Variants in INPP4B observed in about 807,000 individuals in gnomAD.
The protein encoded by INPP4B is inositol polyphosphate 4-phosphatase type II.
In INPP4B, 55 loss-of-function variants were observed where a neutral mutation model predicts 122.5. That is an observed-to-expected ratio of 0.45 (90% confidence interval 0.36 to 0.56). The LOEUF (loss-of-function observed/expected upper bound fraction) is 0.56, where lower values mean the gene tolerates loss of function less well. Among genes scored for constraint, INPP4B ranks in the 20% least tolerant of loss-of-function variants. The pLI is 0.00. For missense variants in INPP4B, 1,000 were observed against 1,097.7 expected (o/e 0.91, Z 1.26); for synonymous variants, 403 against 388.7 (o/e 1.04, Z -0.43).
intron 11 of INPP4B, among the ~76,000 whole-genome samples, chr4:142,242,830 A>C (rs1260643110): frequency 1.3e-5 from 2 of 152,154 alleles, no homozygotes; most frequent in Non-Finnish European, 2.9e-5. Context: ...ACTGTACTAC[A>C]GTAGTCTGTT....
intron 2 of INPP4B, among the ~76,000 whole-genome samples, chr4:142,488,427 AC>A (rs1821453385): frequency 1.3e-5 from 2 of 152,026 alleles, no homozygotes; most frequent in African/African-American, 4.8e-5. Flanking sequence ...TTCCGCTTAT[AC>A]TTTATTAAAG....
rs765559860 is a variant in INPP4B at position 142,833,632 on chromosome 4, AT to A, written c.-254+12576del. 2.1e-3 allele frequency among the ~76,000 whole-genome samples: 308 copies of A among 148,192 alleles called. 2 individuals are homozygous for A. The highest frequency in any genetic ancestry group is 0.018 in the East Asian group (93 of 5,094). ...AAAAAGACTCAGATAGAATACAATG[AT>A]TTTTTTTTTTAAAGACAGGGTATTG... On this transcript the variant is annotated intron_variant, in intron 1 of 25. Coordinates refer to ENST00000262992, the MANE Select transcript of INPP4B (RefSeq NM_001101669.3).
At chr4:142,793,126 G>A (rs1776779758) in intron 1 of INPP4B, among the ~76,000 whole-genome samples, 1 of 151,996 alleles carries the variant, frequency 6.6e-6, no homozygotes, top group South Asian at 2.1e-4. Context: ...ACGTTTATTT[G>A]TTTAATCCCC....
In INPP4B at chr4:142,270,238, C is replaced by T. The variant is rs550704050; in HGVS notation, c.615+425G>A. On this transcript the variant is annotated intron_variant, in intron 10 of 25. Transcript: ENST00000262992. ...TTCTTGTTAAATCTGCCCTCCTTCACGTAAAGGTGAAATACAAATTAAAAT... is the reference window on the plus strand; with the variant it reads ...TTCTTGTTAAATCTGCCCTCCTTCATGTAAAGGTGAAATACAAATTAAAAT... Among the ~76,000 whole-genome samples the T allele has an allele frequency of 9.0e-4, 137 of 152,268 alleles. 1 individual carries two copies. In the South Asian group the frequency reaches 9.3e-3, roughly 10 times the overall value.
chr4:142,788,780 G>A (rs560868579), intron 1 of INPP4B, among the ~76,000 whole-genome samples: 2 of 152,072 alleles, frequency 1.3e-5, no homozygotes, highest in Non-Finnish European at 2.9e-5. Flanking sequence ...CATCCAGGTT[G>A]CTGTGAATGC....
intron 11 of INPP4B, among the ~76,000 whole-genome samples, chr4:142,253,268 C>T (rs1733431232): frequency 6.6e-6 from 1 of 152,184 alleles, no homozygotes; most frequent in Non-Finnish European, 1.5e-5. Flanking sequence ...CCACATACTA[C>T]CGTAGACTTG....
At chr4:142,815,525 T>C (rs1780011653) in intron 1 of INPP4B, among the ~76,000 whole-genome samples, 3 of 152,132 alleles carry the variant, frequency 2.0e-5, no homozygotes, top group Non-Finnish European at 4.4e-5. Flanking sequence ...ACTCAGAGGT[T>C]TCCGTCTAAA....
intron 3 of INPP4B, among the ~76,000 whole-genome samples, chr4:142,436,118 C>T (rs1055367923): frequency 2.0e-5 from 3 of 152,180 alleles, no homozygotes; most frequent in African/African-American, 4.8e-5. Context: ...CTCCACAGCC[C>T]AGCACACAGG....
intron 7 of INPP4B, among the ~76,000 whole-genome samples, chr4:142,371,956 T>A (rs1349146471): frequency 2.7e-5 from 4 of 150,384 alleles, no homozygotes; most frequent in Non-Finnish European, 5.9e-5. Flanking sequence ...CGAAAGAAAA[T>A]CAGTATATCA....
At chr4:142,502,788 T>G (rs1010387177) in intron 2 of INPP4B, among the ~76,000 whole-genome samples, 1 of 152,114 alleles carries the variant, frequency 6.6e-6, no homozygotes, top group African/African-American at 2.4e-5. Flanking sequence ...TATCCATGCC[T>G]TTAAAAACCC....
At chr4:142,508,680 T>G (rs1012777402) in intron 2 of INPP4B, among the ~76,000 whole-genome samples, 1 of 152,318 alleles carries the variant, frequency 6.6e-6, no homozygotes, top group East Asian at 1.9e-4. Flanking sequence ...GGTGTGATAG[T>G]TGTGATTAGG....
chr4:142,706,155 C>T (rs1412222322), intron 2 of INPP4B, among the ~76,000 whole-genome samples: 1 of 152,220 alleles, frequency 6.6e-6, no homozygotes, highest in East Asian at 1.9e-4. Context: ...CAATTATCCA[C>T]ATTTGAACAT....
Position 142,122,170 on chromosome 4 carries a change from T to C in INPP4B, c.2093A>G (p.Glu698Gly), listed in dbSNP as rs1207811162. Residue 698 changes from glutamate (E) to glycine (G), a missense_variant, in exon 21 of 26, where the codon GAA becomes GGA. Physicochemically the swap from Glu to Gly is moderately conservative, Grantham distance 98. Transcript: ENST00000262992. ...TGGCAACACATCATTGGATTTGGCTTCAATTATTTTAAATGCAACTTTCTT... is the reference window on the plus strand; with the variant it reads ...TGGCAACACATCATTGGATTTGGCTCCAATTATTTTAAATGCAACTTTCTT... ...DLKKVAFKII[E>G]AKSNDVLPVI... 4 of 1,612,210 alleles carry C rather than the reference T, an allele frequency of 2.5e-6. No individual in the cohort carries two copies. The highest frequency in any genetic ancestry group is 2.5e-6 in the Non-Finnish European group (3 of 1,179,088).
At chr4:142,509,570 G>A (rs1396422699) in intron 2 of INPP4B, among the ~76,000 whole-genome samples, 1 of 152,076 alleles carries the variant, frequency 6.6e-6, no homozygotes, top group African/African-American at 2.4e-5. Context: ...TCCTTTTTTA[G>A]GGCTGCATAG....
intron 2 of INPP4B, among the ~76,000 whole-genome samples, chr4:142,704,466 T>A (rs80064302): frequency 0.041 from 6,278 of 152,260 alleles, 159 homozygotes; most frequent in African/African-American, 0.055. Flanking sequence ...GTGGCCTCTA[T>A]GACTTCACAG....
Position 142,405,330 on chromosome 4 carries a change from A to C in INPP4B, c.137-6T>G, listed in dbSNP as rs764629299. The C allele has an allele frequency of 1.3e-6, 2 of 1,530,452 alleles. No individual in the cohort carries two copies. Among genetic ancestry groups the C allele is most frequent in the Non-Finnish European group, 1.8e-6 (2 of 1,104,420 alleles). The allele number at this position is 1,530,452 out of a possible 1,614,324, so 94.8% of individuals were successfully genotyped here. A position where few individuals can be genotyped will look rare whatever the true frequency, so the allele number is the denominator to read the frequency against. On this transcript the variant is annotated splice_polypyrimidine_tract_variant and splice_region_variant and intron_variant, in intron 5 of 25. Transcript: ENST00000262992. ...AGCCACGAGATCCTTGCATGCTGGC[A>C]ACGGCAGAGGAGACAGAAAGAAAAG...
chr4:142,668,050 C>T (rs1214240360), intron 2 of INPP4B, among the ~76,000 whole-genome samples: 1 of 151,970 alleles, frequency 6.6e-6, no homozygotes, highest in African/African-American at 2.4e-5. Flanking sequence ...CCAGCATTAC[C>T]CTGATATCAA....
At chr4:142,735,924 AACACACACACACACACACACAC>A (rs33993491) in intron 1 of INPP4B, among the ~76,000 whole-genome samples, 3 of 142,734 alleles carry the variant, frequency 2.1e-5, no homozygotes, top group South Asian at 4.7e-4. Context: ...TATACATTGC[AACACACACACACACACACACAC>A]ACACACACAC....
intron 10 of INPP4B, among the ~76,000 whole-genome samples, chr4:142,268,773 C>A (rs1460244130): frequency 1.3e-5 from 2 of 152,296 alleles, no homozygotes; most frequent in East Asian, 3.9e-4. Flanking sequence ...ACTGAATCAT[C>A]TCATTTATAT....
Sources: gnomAD v4.1 joint callset for allele counts (sites outside exome capture counted in the v4.1 genomes callset) on GRCh38, gnomAD v4.1.1 for gene constraint, MANE v1.5 for transcripts, NCBI Gene and HGNC (gene_info 2026-07-23, HGNC 2026-07-21) for gene names.